The following CDH23 variants were observed in gnomAD, a reference collection of about 807,000 sequenced individuals.
CDH23 encodes the protein cadherin-23.
A neutral mutation model predicts 317.1 loss-of-function variants in CDH23; 189 were observed. The ratio of observed to expected loss-of-function variants is 0.60; its 90% CI spans 0.53 to 0.67. CDH23 has a LOEUF of 0.67. CDH23 is among the 30% of genes least tolerant of loss of function. The pLI, the probability that CDH23 is intolerant of heterozygous loss-of-function variation, is 0.00. For synonymous variants in CDH23, 1,839 were observed against 1,876.8 expected (o/e 0.98, Z 0.52); for missense variants, 4,401 against 4,592.4 (o/e 0.96, Z 1.20).
chr10:71,598,551 G>A lies in CDH23; in HGVS notation c.833-16953G>A, dbSNP rs534101995. On this transcript the variant is annotated intron_variant, in intron 9 of 69. Transcript: ENST00000224721. Reference sequence around the variant, plus strand: ...CTTCCCTCCTGCCGACAGACTAGGGGTCTGTAACCCAGAACAGCTGATGGG... The same window carrying A: ...CTTCCCTCCTGCCGACAGACTAGGGATCTGTAACCCAGAACAGCTGATGGG... 4.6e-5 allele frequency among the ~76,000 whole-genome samples: 7 copies of A among 152,330 alleles called. No homozygotes were observed. In the East Asian group the frequency reaches 1.4e-3, roughly 29 times the overall value.
intron 3 of CDH23, among the ~76,000 whole-genome samples, chr10:71,507,023 G>C (rs1397106394): frequency 6.6e-6 from 1 of 152,158 alleles, no homozygotes; most frequent in Non-Finnish European, 1.5e-5. Flanking sequence ...AGCCATTTGG[G>C]ATATTGGGCC....
At position 71,732,085 on chromosome 10, in the gene CDH23, G is replaced by A; in HGVS notation, c.3814G>A (p.Asp1272Asn). Residue 1272 changes from aspartate to asparagine, a missense_variant, in exon 32 of 70, where the codon GAC (aspartate) becomes AAC (asparagine). Coordinates refer to ENST00000224721, the MANE Select transcript of CDH23 (RefSeq NM_022124.6). Reference sequence around the variant, plus strand: ...GCTTATCATCACCGTGAATTACCTGGACTACGAGACCAAGACCAGCTACAT... The same window carrying A: ...GCTTATCATCACCGTGAATTACCTGAACTACGAGACCAAGACCAGCTACAT... ...TGLIITVNYL[D>N]YETKTSYMMN... 1 of 1,613,998 alleles carries A rather than the reference G, an allele frequency of 6.2e-7. No homozygotes were observed.
At chr10:71,812,352 T>C in intron 66 of CDH23, 128 bp from the exon 67 acceptor site, 1 of 1,599,842 alleles carries the variant, frequency 6.3e-7, no homozygotes, top group Non-Finnish European at 8.5e-7. Flanking sequence ...CACCAGGGCC[T>C]CACACCCCAA....
Position 71,732,382 on chromosome 10 carries a change from G to A in CDH23, c.4104+7G>A, listed in dbSNP as rs1372573398. 4 of 1,556,292 alleles carry A rather than the reference G, an allele frequency of 2.6e-6. No homozygotes were observed. The African/African-American group carries it at 5.5e-5, about 21-fold the overall frequency. ...CAAGATAGACGCCATCACGGTGAGG[G>A]GCTGGGGGCAGGGAGCACCATTTCT... On this transcript the variant is annotated splice_region_variant and intron_variant, in intron 32 of 69. Transcript: ENST00000224721.
chr10:71,428,453 A>ATG (rs142212600), intron 1 of CDH23, among the ~76,000 whole-genome samples: 83 of 151,384 alleles, frequency 5.5e-4, no homozygotes, highest in Middle Eastern at 3.4e-3. Flanking sequence ...CACTTGTTTT[A>ATG]TGTGTGTGTG....
intron 9 of CDH23, among the ~76,000 whole-genome samples, chr10:71,611,177 A>G (rs1297263675): frequency 6.6e-6 from 1 of 152,044 alleles, no homozygotes; most frequent in African/African-American, 2.4e-5. Context: ...GTGGCTGCCA[A>G]GCCCACAGCG....
At chr10:71,717,793 A>G (rs1162205641) in intron 28 of CDH23, 5 of 152,242 alleles carry the variant, frequency 3.3e-5, no homozygotes, top group African/African-American at 4.8e-5. Flanking sequence ...TTAAAGGCAA[A>G]CATTCTAGAC....
intron 10 of CDH23, among the ~76,000 whole-genome samples, chr10:71,616,977 C>T (rs1291722890): frequency 6.6e-6 from 1 of 152,216 alleles, no homozygotes. Flanking sequence ...AAAATCTACC[C>T]TGGCTGTGAA....
chr10:71,563,233 C>G (rs903954483), intron 6 of CDH23, among the ~76,000 whole-genome samples: 2 of 152,186 alleles, frequency 1.3e-5, no homozygotes, highest in Non-Finnish European at 2.9e-5. Flanking sequence ...CATCTGTAGT[C>G]CACCCTAGGA....
At chr10:71,562,299 C>T (rs374925813) in intron 6 of CDH23, among the ~76,000 whole-genome samples, 6 of 152,214 alleles carry the variant, frequency 3.9e-5, no homozygotes, top group African/African-American at 1.2e-4. Context: ...GTCCGGCCAC[C>T]TCCCCATGCG....
intron 1 of CDH23, among the ~76,000 whole-genome samples, chr10:71,404,258 C>T (rs1847993408): frequency 6.6e-6 from 1 of 152,186 alleles, no homozygotes; most frequent in African/African-American, 2.4e-5. Context: ...CTCTCTTATG[C>T]CCCCTCCCAC....
intron 9 of CDH23, among the ~76,000 whole-genome samples, chr10:71,595,989 C>G (rs147546486): frequency 1.3e-5 from 2 of 152,274 alleles, no homozygotes; most frequent in Non-Finnish European, 2.9e-5. Flanking sequence ...CTCCATGGTC[C>G]GTGTGACTCA....
chr10:71,692,348 T>G (rs913328016), intron 20 of CDH23, among the ~76,000 whole-genome samples: 9 of 152,202 alleles, frequency 5.9e-5, no homozygotes, highest in Non-Finnish European at 8.8e-5. Context: ...AGACATTTTC[T>G]TGCTGCCTTA....
chr10:71,413,088 A>G (rs1848405496), intron 1 of CDH23, among the ~76,000 whole-genome samples: 1 of 152,158 alleles, frequency 6.6e-6, no homozygotes, highest in Non-Finnish European at 1.5e-5. Flanking sequence ...CTGTGTTTTC[A>G]TCTAAGAAGT....
intron 11 of CDH23, among the ~76,000 whole-genome samples, chr10:71,630,525 G>A (rs560184377): frequency 2.0e-5 from 3 of 152,326 alleles, no homozygotes; most frequent in African/African-American, 7.2e-5. Flanking sequence ...GGAGTTAAGA[G>A]TGACTGCACA....
Position 71,790,277 on chromosome 10 carries a change from T to A in CDH23, c.5924-11T>A. 6.2e-7 allele frequency: 1 copy of A among 1,613,514 alleles called. No individual in the cohort carries two copies. Among genetic ancestry groups the A allele is most frequent in the Non-Finnish European group, 8.5e-7 (1 of 1,179,758 alleles). On this transcript the variant is annotated splice_polypyrimidine_tract_variant and intron_variant, in intron 45 of 69. Coordinates refer to ENST00000224721, the MANE Select transcript of CDH23 (RefSeq NM_022124.6). ...GTTGGTCTTGTGGTGACCCCTCTCC[T>A]TCTGGCCCAGGCACCCCTCTCACGG...
chr10:71,656,526 G>A (rs976808857), intron 14 of CDH23, among the ~76,000 whole-genome samples: 16 of 152,236 alleles, frequency 1.1e-4, no homozygotes, highest in African/African-American at 3.9e-4. Context: ...GCAGGAGGCA[G>A]ATGATGAACA....
chr10:71,397,816 C>T lies in CDH23; in HGVS notation c.-6+498C>T, dbSNP rs553590544. ...GAGGCGCTGAGGGGAACTAAAGGCACGTAGTTCTCCCCTCCCCTCATCAAG... is the reference window on the plus strand; with the variant it reads ...GAGGCGCTGAGGGGAACTAAAGGCATGTAGTTCTCCCCTCCCCTCATCAAG... On this transcript the variant is annotated intron_variant, in intron 1 of 69. Transcript: ENST00000224721. This position sits in a 1 kb window ranked among gnomAD's most constrained non-coding sequence, Gnocchi z 4.8. Among the ~76,000 whole-genome samples, 1 of 152,048 alleles carries T rather than the reference C, an allele frequency of 6.6e-6. No homozygotes were observed. Among genetic ancestry groups the T allele is most frequent in the Non-Finnish European group, 1.5e-5 (1 of 67,986 alleles).
At chr10:71,489,594 G>GGGGTGTGT (rs1554830087) in intron 3 of CDH23, among the ~76,000 whole-genome samples, 6 of 139,802 alleles carry the variant, frequency 4.3e-5, no homozygotes, top group Non-Finnish European at 7.7e-5. Flanking sequence ...AGTGCCTCGG[G>GGGGTGTGT]GTGTGTGTGT....
Sources: allele counts gnomAD v4.1 joint callset (sites outside exome capture counted in the v4.1 genomes callset), GRCh38; gene constraint gnomAD v4.1.1; non-coding constraint Gnocchi (gnomAD v3.1); transcripts MANE v1.5; gene names NCBI Gene and HGNC (gene_info 2026-07-23, HGNC 2026-07-21).